The following RPA1 variants were observed in gnomAD, a reference collection of about 807,000 sequenced individuals.
The protein encoded by RPA1 is replication protein A 70 kDa DNA-binding subunit.
In RPA1, 49 loss-of-function variants were observed where a neutral mutation model predicts 83.0. That is an observed-to-expected ratio of 0.59 (90% CI 0.47 to 0.75). The LOEUF is 0.75. Ranked by LOEUF, RPA1 falls within the 30% of genes least tolerant of loss-of-function variation. The pLI is 0.00. For synonymous variants in RPA1, 279 were observed against 281.8 expected, an observed-to-expected ratio of 0.99 and a Z score of 0.10; for missense variants, 693 against 776.1, an observed-to-expected ratio of 0.89 and a Z score of 1.27.
intron 1 of RPA1, among the ~76,000 whole-genome samples, chr17:1,831,284 A>G (rs931117611): frequency 2.0e-5 from 3 of 152,166 alleles, no homozygotes; most frequent in African/African-American, 4.8e-5. Context: ...ACCATTATCT[A>G]TTCAGTTCAG....
At chr17:1,849,592 T>G (rs1912402614) in intron 4 of RPA1, among the ~76,000 whole-genome samples, 1 of 151,798 alleles carries the variant, frequency 6.6e-6, no homozygotes, top group South Asian at 2.1e-4. Context: ...GCACCCGGCA[T>G]TCCTTATTCT....
At chr17:1,868,192 G>A (rs1270368753) in intron 5 of RPA1, among the ~76,000 whole-genome samples, 1 of 152,174 alleles carries the variant, frequency 6.6e-6, no homozygotes, top group Non-Finnish European at 1.5e-5. Flanking sequence ...TTAAAGCTCA[G>A]GGGGATAAGA....
chr17:1,860,192 C>T (rs1184849139), intron 5 of RPA1, among the ~76,000 whole-genome samples: 1 of 152,212 alleles, frequency 6.6e-6, no homozygotes, highest in Non-Finnish European at 1.5e-5. Flanking sequence ...AATCCTCCTG[C>T]CTCAGCCTCC....
chr17:1,868,309 G>A (rs1318393875), intron 5 of RPA1, among the ~76,000 whole-genome samples: 1 of 152,134 alleles, frequency 6.6e-6, no homozygotes, highest in Non-Finnish European at 1.5e-5. Context: ...GCATTTCACC[G>A]CAGTGCTTTC....
At position 1,880,021 on chromosome 17, in the gene RPA1, C is replaced by T. The variant is rs546845326; in HGVS notation, c.1092+322C>T. 3.6e-5 allele frequency among the ~76,000 whole-genome samples: 4 copies of T among 110,998 alleles called. No individual in the cohort carries two copies. The South Asian group carries it at 1.3e-3, about 36-fold the overall frequency. The allele number at this position is 110,998 out of a possible 152,430, so 72.8% of individuals were successfully genotyped here. On this transcript the variant is annotated intron_variant, in intron 11 of 16. Coordinates refer to ENST00000254719, the MANE Select transcript of RPA1 (RefSeq NM_002945.5). ...GAGCTCCTGGAGCTGGCGGAGGGGGCGTCTGTTCCTATAGGATGGGGCCTT... is the reference window on the plus strand; with the variant it reads ...GAGCTCCTGGAGCTGGCGGAGGGGGTGTCTGTTCCTATAGGATGGGGCCTT...
intron 10 of RPA1, 32 bp downstream of exon 10, chr17:1,879,439 A>G: frequency 1.2e-6 from 2 of 1,612,076 alleles, no homozygotes; most frequent in South Asian, 2.2e-5. Flanking sequence ...AAGAGCAGGG[A>G]TGACTAGCTT....
At chr17:1,874,012 A>AAAAAAAAAT (rs1555592994) in intron 6 of RPA1, among the ~76,000 whole-genome samples, 1 of 93,860 alleles carries the variant, frequency 1.1e-5, no homozygotes, top group African/African-American at 5.1e-5. Flanking sequence ...AAAAAAAAAA[A>AAAAAAAAAT]ATATATATAT....
chr17:1,841,301 A>C (rs1275161312), intron 1 of RPA1, among the ~76,000 whole-genome samples: 1 of 152,018 alleles, frequency 6.6e-6, no homozygotes, highest in Non-Finnish European at 1.5e-5. Context: ...GTTCCTTTTT[A>C]ATCTTTTTAT....
In RPA1 at chr17:1,871,651, T is replaced by C. The variant is rs143497996; in HGVS notation, c.362-783T>C. On this transcript the variant is annotated intron_variant, in intron 5 of 16. Transcript: ENST00000254719. Reference sequence around the variant, plus strand: ...TGTTATTTCACAAAATGAGGCATATTTTACAGTTTTAACATTCTTCAGCTC... The same window carrying C: ...TGTTATTTCACAAAATGAGGCATATCTTACAGTTTTAACATTCTTCAGCTC... Among the ~76,000 whole-genome samples the C allele has an allele frequency of 3.3e-5, 5 of 152,302 alleles. 1 individual carries two copies. In the East Asian group the frequency reaches 9.6e-4, roughly 29 times the overall value.
chr17:1,851,022 T>G (rs764301073), intron 4 of RPA1, among the ~76,000 whole-genome samples: 7 of 152,218 alleles, frequency 4.6e-5, no homozygotes, highest in Non-Finnish European at 8.8e-5. Context: ...AATCCCCATA[T>G]AGCCCATCAT....
chr17:1,831,361 G>C (rs17291773), intron 1 of RPA1, among the ~76,000 whole-genome samples: 26,797 of 151,944 alleles, frequency 0.18, 4,061 homozygotes, highest in African/African-American at 0.41. Context: ...AGTCCCTCAC[G>C]AAGTGAAGTG....
intron 7 of RPA1, among the ~76,000 whole-genome samples, chr17:1,876,658 A>G (rs1226195406): frequency 6.6e-6 from 1 of 152,218 alleles, no homozygotes; most frequent in Non-Finnish European, 1.5e-5. Context: ...AATACTCTGT[A>G]ACGTAGGAAA....
intron 1 of RPA1, among the ~76,000 whole-genome samples, chr17:1,838,066 C>T (rs374625578): frequency 2.6e-5 from 4 of 151,470 alleles, no homozygotes; most frequent in Non-Finnish European, 5.9e-5. Flanking sequence ...CTGAGGCGGG[C>T]GGATCACCTG....
At chr17:1,876,342 G>A (rs576574019) in intron 7 of RPA1, among the ~76,000 whole-genome samples, 102 of 152,164 alleles carry the variant, frequency 6.7e-4, no homozygotes, top group African/African-American at 2.4e-3. Context: ...ATCACCTGAG[G>A]TCGGGAGTTT....
intron 5 of RPA1, among the ~76,000 whole-genome samples, chr17:1,862,159 T>C (rs1912998817): frequency 6.6e-6 from 1 of 150,758 alleles, no homozygotes; most frequent in Admixed American, 6.6e-5. Flanking sequence ...CCCAAAGTGC[T>C]GGGATTACAG....
chr17:1,886,481 G>A (rs1913996584), intron 13 of RPA1, among the ~76,000 whole-genome samples: 1 of 152,190 alleles, frequency 6.6e-6, no homozygotes, highest in Admixed American at 6.5e-5. Flanking sequence ...TAGGACGAAT[G>A]TTCTTGATGG....
chr17:1,872,591 T>C, intron 6 of RPA1, 65 bp downstream of exon 6: 1 of 1,580,370 alleles, frequency 6.3e-7, no homozygotes, highest in Non-Finnish European at 8.6e-7. Flanking sequence ...GTTTTGAAGT[T>C]GAATCTGGGA....
In RPA1 at chr17:1,858,171, A is replaced by T. The variant is rs1912790558; in HGVS notation, c.361+4982A>T. ...AGTGTCGGATCCCATTCCAGGTATG[A>T]TACATGAGAGGGAAGACGAGTGCAA... On this transcript the variant is annotated intron_variant, in intron 5 of 16. Transcript: ENST00000254719. The T allele has an allele frequency of 1.9e-6, 3 of 1,613,880 alleles. No homozygotes were observed. In the South Asian group the frequency reaches 3.3e-5, roughly 18 times the overall value.
intron 1 of RPA1, among the ~76,000 whole-genome samples, chr17:1,832,237 A>AT (rs532241792): frequency 6.6e-6 from 1 of 150,658 alleles, no homozygotes; most frequent in South Asian, 2.1e-4. Context: ...GGCCCTGAAC[A>AT]TTTTTTTCCC....
Sources: allele counts gnomAD v4.1 joint callset (sites outside exome capture counted in the v4.1 genomes callset), GRCh38; gene constraint gnomAD v4.1.1; transcripts MANE v1.5; gene names NCBI Gene and HGNC (gene_info 2026-07-23, HGNC 2026-07-21).